PSD3: variants seen among roughly 807,000 people sequenced by gnomAD.
The protein encoded by PSD3 is PH and SEC7 domain-containing protein 3.
A neutral mutation model predicts 105.5 loss-of-function variants in PSD3; 49 were observed. The ratio of observed to expected loss-of-function variants is 0.46; its 90% CI spans 0.37 to 0.59. The LOEUF (loss-of-function observed/expected upper bound fraction) is 0.59, where lower values mean the gene tolerates loss of function less well. PSD3 is among the 20% of genes least tolerant of loss of function. The probability of loss-of-function intolerance (pLI) is 0.00; values close to 1 mark genes in which losing one functional copy is unlikely to be tolerated. For missense variants in PSD3, 1,561 were observed against 1,263.8 expected, an observed-to-expected ratio of 1.24 and a Z score of -3.57; for synonymous variants, 557 against 457.8, an observed-to-expected ratio of 1.22 and a Z score of -2.77.
At chr8:18,680,927 T>C (rs1397047122) in intron 9 of PSD3, among the ~76,000 whole-genome samples, 4 of 152,198 alleles carry the variant, frequency 2.6e-5, no homozygotes, top group African/African-American at 9.6e-5. Context: ...TAACACTTTT[T>C]TTCAAATGAA....
At chr8:18,769,450 G>T (rs895854138) in intron 8 of PSD3, among the ~76,000 whole-genome samples, 1 of 152,034 alleles carries the variant, frequency 6.6e-6, no homozygotes, top group Non-Finnish European at 1.5e-5. Context: ...CATGATGATA[G>T]CATCAACTAC....
chr8:18,775,840 C>G (rs1471912082), intron 8 of PSD3, among the ~76,000 whole-genome samples: 1 of 152,094 alleles, frequency 6.6e-6, no homozygotes, highest in African/African-American at 2.4e-5. Flanking sequence ...TGATGGGACA[C>G]CACATCTAAA....
intron 4 of PSD3, among the ~76,000 whole-genome samples, chr8:18,863,951 C>CA (rs1354018744): frequency 6.6e-6 from 1 of 152,078 alleles, no homozygotes; most frequent in African/African-American, 2.4e-5. Flanking sequence ...TCAGCCTTCC[C>CA]AACCTCTTGC....
At chr8:18,997,809 C>A (rs572066784) in intron 1 of PSD3, among the ~76,000 whole-genome samples, 3 of 151,842 alleles carry the variant, frequency 2.0e-5, no homozygotes, top group Admixed American at 1.3e-4. Flanking sequence ...TCATGCGTCA[C>A]CTCAACAAGG....
At chr8:18,628,390 CT>C (rs113009967) in intron 11 of PSD3, among the ~76,000 whole-genome samples, 6 of 151,844 alleles carry the variant, frequency 4.0e-5, no homozygotes, top group South Asian at 2.1e-4. Flanking sequence ...TGATAGGAGA[CT>C]TTTTTTGTCT....
chr8:18,965,271 C>A (rs1056795795), intron 1 of PSD3, among the ~76,000 whole-genome samples: 2 of 152,150 alleles, frequency 1.3e-5, no homozygotes, highest in Non-Finnish European at 2.9e-5. Flanking sequence ...CTGACTTTCA[C>A]ACTCAGTTAT....
At position 18,572,690 on chromosome 8, in the gene PSD3, G is replaced by C. The variant is rs370699522; in HGVS notation, c.2640-18C>G. On this transcript the variant is annotated intron_variant, in intron 13 of 15. Coordinates refer to ENST00000327040, the MANE Select transcript of PSD3 (RefSeq NM_015310.4). ...CTGGGCTCCTATGAGAAATAGATAT[G>C]TTTATATCAGGATATTGCCATGTCT... is the stretch of plus-strand genomic sequence containing the variant. The C allele has an allele frequency of 3.1e-6, 5 of 1,611,286 alleles. No individual in the cohort carries two copies. The highest frequency in any genetic ancestry group is 3.4e-6 in the Non-Finnish European group (4 of 1,177,966).
intron 3 of PSD3, among the ~76,000 whole-genome samples, chr8:18,871,201 C>T (rs552810506): frequency 1.3e-5 from 2 of 152,258 alleles, no homozygotes; most frequent in South Asian, 4.1e-4. Context: ...GTGTTATACC[C>T]AGAAGAAATG....
chr8:18,662,610 C>T (rs760368153), intron 9 of PSD3, among the ~76,000 whole-genome samples: 3 of 152,090 alleles, frequency 2.0e-5, no homozygotes, highest in Non-Finnish European at 4.4e-5. Context: ...TTTACCTGGC[C>T]CTCATTTTCT....
chr8:18,567,095 A>G (rs1801824945), intron 14 of PSD3, among the ~76,000 whole-genome samples: 1 of 152,212 alleles, frequency 6.6e-6, no homozygotes, highest in Non-Finnish European at 1.5e-5. Flanking sequence ...ATGTTGCTCT[A>G]AGTTACATTC....
chr8:18,833,550 C>T (rs1415162624), intron 4 of PSD3, among the ~76,000 whole-genome samples: 1 of 152,172 alleles, frequency 6.6e-6, no homozygotes, highest in African/African-American at 2.4e-5. Flanking sequence ...AATTTTAAGG[C>T]TCCAAGACAA....
intron 9 of PSD3, among the ~76,000 whole-genome samples, chr8:18,713,536 C>T (rs1287801349): frequency 6.6e-6 from 1 of 152,004 alleles, no homozygotes; most frequent in East Asian, 1.9e-4. Context: ...TTCACAATTG[C>T]TACAAAGAGA....
At chr8:18,721,203 A>G (rs1395346960) in intron 9 of PSD3, 1 of 151,848 alleles carries the variant, frequency 6.6e-6, no homozygotes, top group African/African-American at 2.4e-5. Flanking sequence ...GGTGTGTGCA[A>G]TTTCTGATAC....
Position 18,535,523 on chromosome 8 carries a change from AG to A in PSD3, c.*219del, listed in dbSNP as rs1320452796. ...CACGATCCCCTCCTCCTCACAGAAA[AG>A]GTGCATTAGCTATCAAGTTGCAAAA... On this transcript the variant is annotated 3_prime_UTR_variant, in exon 16 of 16. Coordinates refer to ENST00000327040, the MANE Select transcript of PSD3 (RefSeq NM_015310.4). 1.8e-6 allele frequency: 1 copy of A among 545,970 alleles called. No homozygotes were observed. Among genetic ancestry groups the A allele is most frequent in the Non-Finnish European group, 3.3e-6 (1 of 306,766 alleles). 33.8% of individuals were successfully genotyped at this position (545,970 alleles called of 1,614,324 possible). A position where few individuals can be genotyped will look rare whatever the true frequency, so the allele number is the denominator to read the frequency against.
At chr8:18,648,753 G>C (rs55932148) in intron 10 of PSD3, among the ~76,000 whole-genome samples, 5,475 of 152,252 alleles carry the variant, frequency 0.036, 132 homozygotes, top group Non-Finnish European at 0.055. Context: ...GAGAAGAATG[G>C]TTTCATAGGC....
chr8:18,769,113 T>TA (rs1807273085), intron 8 of PSD3, among the ~76,000 whole-genome samples: 1 of 152,136 alleles, frequency 6.6e-6, no homozygotes, highest in South Asian at 2.1e-4. Flanking sequence ...AAATAACACA[T>TA]ACAATGAACA....
At chr8:19,021,787 A>T (rs1214068595) in intron 1 of PSD3, among the ~76,000 whole-genome samples, 3 of 152,338 alleles carry the variant, frequency 2.0e-5, no homozygotes, top group African/African-American at 7.2e-5. Flanking sequence ...GTGTCAATTC[A>T]ATAATTAAAC....
intron 12 of PSD3, among the ~76,000 whole-genome samples, chr8:18,586,860 A>G (rs915252940): frequency 1.3e-5 from 2 of 152,284 alleles, no homozygotes; most frequent in East Asian, 1.9e-4. Flanking sequence ...TGAGAAATGT[A>G]TATGGGGTAG....
intron 1 of PSD3, among the ~76,000 whole-genome samples, chr8:19,056,744 C>T (rs540073100): frequency 9.7e-4 from 147 of 152,122 alleles, no homozygotes; most frequent in African/African-American, 3.5e-3. Context: ...ATCCAAATAT[C>T]CCTTGCTGAC....
Sources: allele counts gnomAD v4.1 joint callset (sites outside exome capture counted in the v4.1 genomes callset), GRCh38; gene constraint gnomAD v4.1.1; transcripts MANE v1.5; gene names NCBI Gene and HGNC (gene_info 2026-07-23, HGNC 2026-07-21).